The following E2F1 variants were observed in gnomAD, a reference collection of about 807,000 sequenced individuals.
The protein encoded by E2F1 is transcription factor E2F1.
A neutral mutation model predicts 36.9 loss-of-function variants in E2F1; 7 were observed. That is an observed-to-expected ratio of 0.19 (90% CI 0.11 to 0.36). E2F1 has a LOEUF of 0.36. E2F1 is among the 10% of genes least tolerant of loss of function. E2F1 has a pLI of 1.00. For missense variants in E2F1, 406 were observed against 573.6 expected (o/e 0.71, Z 2.99); for synonymous variants, 261 against 263.1 (o/e 0.99, Z 0.08).
chr20:33,679,049 C>G lies in E2F1; in HGVS notation c.573-696G>C, dbSNP rs1038419426. ...GAAAGGGTAGTAGCATGATGACTGG[C>G]GCGAAGGCGAGAGGGGGAAAATAAA... On this transcript the variant is annotated intron_variant, in intron 3 of 6. Coordinates refer to ENST00000343380, the MANE Select transcript of E2F1 (RefSeq NM_005225.3). This position sits in a 1 kb window ranked among gnomAD's most constrained non-coding sequence, Gnocchi z 4.6. Among the ~76,000 whole-genome samples the G allele has an allele frequency of 6.6e-6, 1 of 152,174 alleles. No individual in the cohort carries two copies. Among genetic ancestry groups the G allele is most frequent in the East Asian group, 1.9e-4 (1 of 5,194 alleles).
Position 33,677,489 on chromosome 20 carries a change from C to T in E2F1, c.777G>A (p.Glu259=), listed in dbSNP as rs34468325. The change falls in exon 5 of 7, where the codon GAG becomes GAA. Residue 259 remains glutamate (E), a synonymous_variant. Coordinates refer to ENST00000343380, the MANE Select transcript of E2F1 (RefSeq NM_005225.3). ...QDLRSIADPA[E]QMVMVIKAPP... Reference sequence around the variant, plus strand: ...GGGCTTTGATCACCATAACCATCTGCTCTGCAGGGTCTGCAATGCTACGAA... The same window carrying T: ...GGGCTTTGATCACCATAACCATCTGTTCTGCAGGGTCTGCAATGCTACGAA... 1.8e-4 allele frequency: 290 copies of T among 1,614,132 alleles called. 1 individual carries two copies. Among genetic ancestry groups the T allele is most frequent in the Admixed American group, 2.3e-4 (14 of 60,020 alleles).
In E2F1 at chr20:33,677,426, C is replaced by T. The variant is rs1385601632; in HGVS notation, c.840G>A (p.Glu280=). The T allele has an allele frequency of 6.2e-7, 1 of 1,613,934 alleles. No individual in the cohort carries two copies. Among genetic ancestry groups the T allele is most frequent in the South Asian group, 1.1e-5 (1 of 91,058 alleles). ...TGGGCCCGGAGTTCCCAGATCTCAC[C>T]TCCGAAGAGTCCACGGCTTGGAGCT... ...ETQLQAVDSS[E]NFQISLKSKQ... The change falls in exon 5 of 7, where the codon GAG becomes GAA. Residue 280 remains glutamate, a splice_region_variant and synonymous_variant. Coordinates refer to ENST00000343380, the MANE Select transcript of E2F1 (RefSeq NM_005225.3).
At position 33,675,589 on chromosome 20, in the gene E2F1, C is replaced by G. The variant is rs921009857; in HGVS notation, c.*1143G>C. The G allele has an allele frequency of 6.4e-6, 1 of 155,930 alleles. No homozygotes were observed. The highest frequency in any genetic ancestry group is 2.4e-5 in the African/African-American group (1 of 41,532). 9.7% of individuals were successfully genotyped at this position (155,930 alleles called of 1,614,324 possible). On this transcript the variant is annotated 3_prime_UTR_variant, in exon 7 of 7. Transcript: ENST00000343380. The stretch of plus-strand genomic sequence containing the variant: ...AGGCTCAAATCAAATCGGGCACGGA[C>G]AGGGAGAAGGGAAGTGGAGAATGGG...
chr20:33,679,875 A>ACGACAC lies in E2F1; in HGVS notation c.446_451dup (p.Gly149_Val150dup). ...CACCTCGGCAGCCCAGTTCAGGTCG[A>ACGACAC]CGACACCGTCAGCCGAGTGGCTCAG... On this transcript the variant is annotated inframe_insertion, in exon 3 of 7. Coordinates refer to ENST00000343380, the MANE Select transcript of E2F1 (RefSeq NM_005225.3). This position sits in a 1 kb window ranked among gnomAD's most constrained non-coding sequence, Gnocchi z 4.6. 1 of 1,614,214 alleles carries ACGACAC rather than the reference A, an allele frequency of 6.2e-7. No individual in the cohort carries two copies. The highest frequency in any genetic ancestry group is 1.1e-5 in the South Asian group (1 of 91,086).
intron 1 of E2F1, among the ~76,000 whole-genome samples, chr20:33,682,196 C>G (rs1253538907): frequency 1.3e-5 from 2 of 152,152 alleles, no homozygotes; most frequent in South Asian, 2.1e-4. Flanking sequence ...TGCCATGGAG[C>G]CTGGCATCAA....
Position 33,677,332 on chromosome 20 carries a change from T to A in E2F1, c.841-2A>T. On this transcript the variant is annotated splice_acceptor_variant, in intron 5 of 6. Transcript: ENST00000343380. LOFTEE classifies it high-confidence loss of function. ...GCTCTTAAGGGAGATCTGAAAGTTCTGGGTGGAAGCAGCAGGCAGGGTAAA... is the reference window on the plus strand; with the variant it reads ...GCTCTTAAGGGAGATCTGAAAGTTCAGGGTGGAAGCAGCAGGCAGGGTAAA... The A allele has an allele frequency of 6.2e-7, 1 of 1,612,958 alleles. No homozygotes were observed. The highest frequency in any genetic ancestry group is 8.5e-7 in the Non-Finnish European group (1 of 1,179,192).
intron 1 of E2F1, 25 bp from the exon 2 acceptor site, chr20:33,680,441 C>A: frequency 6.2e-7 from 1 of 1,609,202 alleles, no homozygotes; most frequent in South Asian, 1.1e-5. Context: ...GGAGGATGCC[C>A]AGTAACCAGG....
chr20:33,679,113 G>A lies in E2F1; in HGVS notation c.572+642C>T, dbSNP rs2122545290. Among the ~76,000 whole-genome samples, 1 of 152,370 alleles carries A rather than the reference G, an allele frequency of 6.6e-6. No individual in the cohort carries two copies. The highest frequency in any genetic ancestry group is 1.9e-4 in the East Asian group (1 of 5,192). On this transcript the variant is annotated intron_variant, in intron 3 of 6. Transcript: ENST00000343380. This position sits in a 1 kb window ranked among gnomAD's most constrained non-coding sequence, Gnocchi z 4.6. ...ATCTATGCCAGACAGATCTCACCGA[G>A]GGCATGAGAAGCCAGGATAGTGGTG...
chr20:33,677,633 T>G, intron 4 of E2F1, 93 bp from the exon 5 acceptor site: 1 of 924,594 alleles, frequency 1.1e-6, no homozygotes, highest in Non-Finnish European at 1.7e-6. Context: ...GCCTAGTCAC[T>G]CCTGTCCTCC....
At chr20:33,683,643 C>A (rs1024961585) in intron 1 of E2F1, among the ~76,000 whole-genome samples, 11 of 151,442 alleles carry the variant, frequency 7.3e-5, no homozygotes, top group Non-Finnish European at 1.2e-4. Context: ...CATGGTGGTA[C>A]ACGCCTGTAA....
At chr20:33,680,142 C>T (rs566528555) in intron 2 of E2F1, among the ~76,000 whole-genome samples, 168 bp from the exon 3 acceptor site, 13 of 152,354 alleles carry the variant, frequency 8.5e-5, no homozygotes, top group African/African-American at 2.6e-4. Context: ...GGCTGGGGAA[C>T]TCCTCACCCC....
rs1322735989 is a variant in E2F1, at chr20:33,686,052, C to A, written c.213G>T (p.Ala71=). 25 of 1,129,338 alleles carry A rather than the reference C, an allele frequency of 2.2e-5. No homozygotes were observed. Among genetic ancestry groups the A allele is most frequent in the Non-Finnish European group, 2.7e-5 (25 of 923,822 alleles). 70.0% of individuals were successfully genotyped at this position (1,129,338 alleles called of 1,614,324 possible). The change falls in exon 1 of 7, where the codon GCG becomes GCT. Residue 71 remains alanine (A), a synonymous_variant. Transcript: ENST00000343380. ...PDLLLFATPQ[A]PRPTPSAPRP... Reference sequence around the variant, plus strand: ...GCGGCGCACTGGGTGTGGGCCGGGGCGCCTGCGGTGTGGCGAAGAGCAGCA... The same window carrying A: ...GCGGCGCACTGGGTGTGGGCCGGGGAGCCTGCGGTGTGGCGAAGAGCAGCA...
intron 3 of E2F1, 127 bp from the exon 4 acceptor site, chr20:33,678,480 T>A (rs2017986899): frequency 3.2e-6 from 4 of 1,255,538 alleles, no homozygotes; most frequent in Non-Finnish European, 4.3e-6. Context: ...CTTGCTTCTG[T>A]CTGGGTCTGG....
At chr20:33,677,040 G>GT in intron 6 of E2F1, 61 bp from the exon 7 acceptor site, 1 of 1,562,466 alleles carries the variant, frequency 6.4e-7, no homozygotes, top group Non-Finnish European at 8.7e-7. Context: ...GGCAGGGGCT[G>GT]TCGTGCCTGC....
At chr20:33,684,651 G>C (rs1415778777) in intron 1 of E2F1, among the ~76,000 whole-genome samples, 1 of 152,152 alleles carries the variant, frequency 6.6e-6, no homozygotes, top group Non-Finnish European at 1.5e-5. Context: ...AAAGCGCTTG[G>C]CACAGAGCCT....
At chr20:33,685,511 G>A (rs945260253) in intron 1 of E2F1, among the ~76,000 whole-genome samples, 1 of 152,178 alleles carries the variant, frequency 6.6e-6, no homozygotes, top group Non-Finnish European at 1.5e-5. Flanking sequence ...CTACCGAGAT[G>A]CAAATTCTGA....
In E2F1 at chr20:33,677,449, G is replaced by A; in HGVS notation, c.817C>T (p.Leu273Phe). 1 of 1,614,166 alleles carries A rather than the reference G, an allele frequency of 6.2e-7. No homozygotes were observed. The part of the protein sequence containing the change: ...MVIKAPPETQ[L>F]QAVDSSENFQ... Reference sequence around the variant, plus strand: ...ACCTCCGAAGAGTCCACGGCTTGGAGCTGGGTCTCAGGAGGGGCTTTGATC... The same window carrying A: ...ACCTCCGAAGAGTCCACGGCTTGGAACTGGGTCTCAGGAGGGGCTTTGATC... The change falls in exon 5 of 7, where the codon CTC becomes TTC. Residue 273 changes from leucine (L) to phenylalanine (F), a missense_variant. Around this residue, in one of 5 missense-constraint regions of E2F1, gnomAD observed 93 missense variants for 143.3 expected, o/e 0.65. Coordinates refer to ENST00000343380, the MANE Select transcript of E2F1 (RefSeq NM_005225.3).
In E2F1 at chr20:33,686,342, C is replaced by G. The variant is rs1383016195; in HGVS notation, c.-78G>C. On this transcript the variant is annotated 5_prime_UTR_variant, in exon 1 of 7. Coordinates refer to ENST00000343380, the MANE Select transcript of E2F1 (RefSeq NM_005225.3). ...CCATGGCGGCAGGCCTCGGCGAGGG[C>G]TCGATCCCGCTCCGCCCCCGGCCGC... is the stretch of plus-strand genomic sequence containing the variant. The G allele has an allele frequency of 4.1e-6, 4 of 978,586 alleles. No individual in the cohort carries two copies. The highest frequency in any genetic ancestry group is 1.0e-3 in the Middle Eastern group (2 of 1,926). The allele number at this position is 978,586 out of a possible 1,614,324, so 60.6% of individuals were successfully genotyped here. A position where few individuals can be genotyped will look rare whatever the true frequency, so the allele number is the denominator to read the frequency against.
intron 1 of E2F1, among the ~76,000 whole-genome samples, chr20:33,685,290 G>A (rs2018056497): frequency 6.6e-6 from 1 of 152,092 alleles, no homozygotes; most frequent in South Asian, 2.1e-4. Context: ...AGGACAGGCA[G>A]AGGGAGGGGA....
Sources: gnomAD v4.1 joint callset for allele counts (sites outside exome capture counted in the v4.1 genomes callset) on GRCh38, gnomAD v4.1.1 for gene constraint, gnomAD v4.1.1 regional missense constraint, Gnocchi (gnomAD v3.1) non-coding constraint, MANE v1.5 for transcripts, NCBI Gene and HGNC (gene_info 2026-07-23, HGNC 2026-07-21) for gene names.